KIAA0319: variants seen among roughly 807,000 people sequenced by gnomAD.
The protein encoded by KIAA0319 is dyslexia-associated protein KIAA0319.
Under a neutral mutation model 108.4 loss-of-function variants are expected in KIAA0319, and 83 were observed. That is an observed-to-expected ratio of 0.77 (90% confidence interval 0.64 to 0.92). KIAA0319 has a LOEUF of 0.92. Among genes scored for constraint, KIAA0319 ranks in the 40% least tolerant of loss-of-function variants. The probability of loss-of-function intolerance (pLI) is 0.00; values close to 1 mark genes in which losing one functional copy is unlikely to be tolerated. For missense variants in KIAA0319, 1,195 were observed against 1,322.4 expected, an observed-to-expected ratio of 0.90 and a Z score of 1.49; for synonymous variants, 484 against 510.4, an observed-to-expected ratio of 0.95 and a Z score of 0.70.
chr6:24,564,279 A>AC lies in KIAA0319; in HGVS notation c.2353dup (p.Val785GlyfsTer29). The AC allele has an allele frequency of 1.9e-6, 3 of 1,613,694 alleles. No individual in the cohort carries two copies. Among genetic ancestry groups the AC allele is most frequent in the Non-Finnish European group, 2.5e-6 (3 of 1,179,918 alleles). On this transcript the variant is annotated frameshift_variant, in exon 15 of 21. Transcript: ENST00000378214. LOFTEE classifies it high-confidence loss of function. Reference sequence around the variant, plus strand: ...GGTGACTCGCAAGTGGAAAGTGTACACCCCCTCCACCAGATTCGTAAGCTG... The same window carrying AC: ...GGTGACTCGCAAGTGGAAAGTGTACACCCCCCTCCACCAGATTCGTAAGCTG...
chr6:24,627,196 T>G (rs1463146936), intron 1 of KIAA0319, among the ~76,000 whole-genome samples: 1 of 152,244 alleles, frequency 6.6e-6, no homozygotes, highest in East Asian at 1.9e-4. Context: ...ATGGCTGTTG[T>G]TCCCATGTTG....
intron 4 of KIAA0319, among the ~76,000 whole-genome samples, chr6:24,587,662 C>T (rs1215294771): frequency 8.5e-5 from 13 of 152,094 alleles, no homozygotes; most frequent in Admixed American, 8.5e-4. Flanking sequence ...TCTCAGCTAA[C>T]TGCAACCTCT....
intron 1 of KIAA0319, among the ~76,000 whole-genome samples, chr6:24,631,484 A>G (rs369835538): frequency 6.6e-6 from 1 of 152,256 alleles, no homozygotes; most frequent in African/African-American, 2.4e-5. Context: ...ACCAATTGCT[A>G]TGGTAAATTT....
At position 24,572,694 on chromosome 6, in the gene KIAA0319, A is replaced by C. The variant is rs777959823; in HGVS notation, c.1739T>G (p.Val580Gly). The C allele has an allele frequency of 1.2e-5, 20 of 1,607,614 alleles. No individual in the cohort carries two copies. Among genetic ancestry groups the C allele is most frequent in the Non-Finnish European group, 1.6e-5 (19 of 1,178,244 alleles). The change falls in exon 11 of 21, where the codon GTA becomes GGA. Residue 580 changes from valine (V) to glycine (G), a missense_variant. Coordinates refer to ENST00000378214, the MANE Select transcript of KIAA0319 (RefSeq NM_014809.4). ...AGATAAATGAAGGTATGGCGTCTGT[A>C]CTCCCTAAGTAATAGCAAATACAAA... ...SEGKHVVMQG[V>G]QTPYLHLSAM...
intron 10 of KIAA0319, among the ~76,000 whole-genome samples, chr6:24,574,527 C>A (rs1339657356): frequency 6.6e-6 from 1 of 152,178 alleles, no homozygotes; most frequent in Admixed American, 6.5e-5. Flanking sequence ...AACAGCTACA[C>A]TTGGTGACCT....
At chr6:24,564,409 C>T in intron 14 of KIAA0319, 69 bp from the exon 15 acceptor site, 2 of 1,595,184 alleles carry the variant, frequency 1.3e-6, no homozygotes. Context: ...TTCTGTTGAT[C>T]CTAAACCTCA....
chr6:24,596,322 C>A lies in KIAA0319; in HGVS notation c.352G>T (p.Asp118Tyr), dbSNP rs1419862823. 1.2e-6 allele frequency: 2 copies of A among 1,614,168 alleles called. No homozygotes were observed. The highest frequency in any genetic ancestry group is 2.2e-5 in the East Asian group (1 of 44,878). Residue 118 changes from aspartate to tyrosine, a missense_variant, in exon 3 of 21, where the codon GAC (aspartate) becomes TAC (tyrosine). Physicochemically the swap from Asp to Tyr is radical, Grantham distance 160. Coordinates refer to ENST00000378214, the MANE Select transcript of KIAA0319 (RefSeq NM_014809.4). ...QRPAQLLDYG[D>Y]MMLNRGSPSG... is the part of the protein sequence containing the mutation. ...GGGGAGCCCCTGTTCAGCATCATGT[C>A]CCCATAGTCCAGCAGCTGTGCAGGC... is the stretch of plus-strand genomic sequence containing the variant.
chr6:24,593,662 A>G (rs1367847544), intron 3 of KIAA0319, among the ~76,000 whole-genome samples: 1 of 151,132 alleles, frequency 6.6e-6, no homozygotes, highest in Non-Finnish European at 1.5e-5. Flanking sequence ...CGGCCTCCCA[A>G]AGTGCTGGGA....
chr6:24,543,055 CAGA>C (rs1267888532), downstream of KIAA0319, among the ~76,000 whole-genome samples: 2 of 152,210 alleles, frequency 1.3e-5, no homozygotes, highest in Non-Finnish European at 2.9e-5. Flanking sequence ...TTGTTTTACA[CAGA>C]AGACCATAAC....
At chr6:24,595,063 G>T (rs919447263) in intron 3 of KIAA0319, among the ~76,000 whole-genome samples, 1 of 152,124 alleles carries the variant, frequency 6.6e-6, no homozygotes, top group Non-Finnish European at 1.5e-5. Context: ...TTCATGGAAC[G>T]TTTTATGACG....
intron 14 of KIAA0319, among the ~76,000 whole-genome samples, chr6:24,564,585 C>T (rs760255570): frequency 2.6e-5 from 4 of 152,196 alleles, no homozygotes; most frequent in Non-Finnish European, 4.4e-5. Context: ...GTTTACCAAG[C>T]ACTTTCCAGG....
intron 18 of KIAA0319, among the ~76,000 whole-genome samples, chr6:24,555,225 G>A (rs934559711): frequency 2.0e-4 from 30 of 152,290 alleles, no homozygotes; most frequent in Admixed American, 5.9e-4. Flanking sequence ...GGCAGGGTGC[G>A]GTGGCTCACG....
intron 4 of KIAA0319, among the ~76,000 whole-genome samples, chr6:24,584,434 A>T (rs960844665): frequency 3.8e-4 from 53 of 138,758 alleles, no homozygotes; most frequent in Middle Eastern, 3.4e-3. Context: ...AAAGATTTAA[A>T]AAAAAAAAAA....
chr6:24,584,835 A>G lies in KIAA0319; in HGVS notation c.995-1133T>C, dbSNP rs115065904. ...CAGGCATTGCCCCAAGGGCTTTAAA[A>G]TGATCAATTCATTTAATCCTCATTA... On this transcript the variant is annotated intron_variant, in intron 4 of 20. Transcript: ENST00000378214. Among the ~76,000 whole-genome samples the G allele has an allele frequency of 5.3e-3, 815 of 152,366 alleles. 12 individuals are homozygous for G. Among genetic ancestry groups the G allele is most frequent in the Middle Eastern group, 0.024 (7 of 294 alleles).
At chr6:24,569,705 C>T (rs931363324) in intron 12 of KIAA0319, among the ~76,000 whole-genome samples, 198 bp downstream of exon 12, 1 of 152,172 alleles carries the variant, frequency 6.6e-6, no homozygotes, top group African/African-American at 2.4e-5. Context: ...CCAAGCTCTA[C>T]CTCCCTCCGC....
In KIAA0319 at chr6:24,599,511, G is replaced by C; in HGVS notation, c.55+1538C>G. 1.8e-6 allele frequency: 1 copy of C among 568,278 alleles called. No homozygotes were observed. The highest frequency in any genetic ancestry group is 3.4e-6 in the Non-Finnish European group (1 of 295,880). 35.2% of individuals were successfully genotyped at this position (568,278 alleles called of 1,614,324 possible). ...GATCATCAAGCCAACCCTGGACATC[G>C]AGATTGTCACCTACAGGAAGGTGCT... On this transcript the variant is annotated intron_variant, in intron 2 of 20. Coordinates refer to ENST00000378214, the MANE Select transcript of KIAA0319 (RefSeq NM_014809.4). The surrounding 1 kb of genome is among the most constrained non-coding windows in gnomAD (Gnocchi z 4.1).
downstream of KIAA0319, among the ~76,000 whole-genome samples, chr6:24,541,726 A>T (rs1425011394): frequency 1.3e-5 from 2 of 152,168 alleles, no homozygotes; most frequent in Admixed American, 1.3e-4. Flanking sequence ...TGAACTGGGG[A>T]GGAAGAGGTT....
At chr6:24,611,278 C>T (rs1772278223) in intron 1 of KIAA0319, among the ~76,000 whole-genome samples, 1 of 151,670 alleles carries the variant, frequency 6.6e-6, no homozygotes, top group Non-Finnish European at 1.5e-5. Flanking sequence ...GTGGGCAGAT[C>T]ACCTGAGGTC....
Position 24,568,790 on chromosome 6 carries a change from C to T in KIAA0319, c.2131G>A (p.Val711Met), listed in dbSNP as rs1412989366. Reference protein sequence around the residue: ...LSSTSTLTVAVKKENNSPPRA... With the variant: ...LSSTSTLTVAMKKENNSPPRA... ...CCTCAGACCCACTCACCCTTCTTCA[C>T]AGCCACAGTGAGGGTGGACGTGCTG... Residue 711 changes from valine (V) to methionine (M), a missense_variant, in exon 13 of 21, where the codon GTG becomes ATG. By Grantham distance (21) the Val-to-Met change is conservative. Transcript: ENST00000378214. The T allele has an allele frequency of 1.9e-6, 3 of 1,613,982 alleles. No individual in the cohort carries two copies. The highest frequency in any genetic ancestry group is 2.5e-6 in the Non-Finnish European group (3 of 1,179,964).
Sources: gnomAD v4.1 joint callset for allele counts (sites outside exome capture counted in the v4.1 genomes callset) on GRCh38, gnomAD v4.1.1 for gene constraint, Gnocchi (gnomAD v3.1) non-coding constraint, MANE v1.5 for transcripts, NCBI Gene and HGNC (gene_info 2026-07-23, HGNC 2026-07-21) for gene names.